The following COL5A3 variants were observed in gnomAD, a reference collection of about 807,000 sequenced individuals.
COL5A3 encodes the protein collagen type V alpha 3 chain.
COL5A3 carries 172 observed loss-of-function variants against 250.0 expected under a neutral mutation model. The ratio of observed to expected loss-of-function variants is 0.69; its 90% CI spans 0.61 to 0.78. The LOEUF (loss-of-function observed/expected upper bound fraction) is 0.78, where lower values mean the gene tolerates loss of function less well. Ranked by LOEUF, COL5A3 falls within the 30% of genes least tolerant of loss-of-function variation. The pLI is 0.00. For synonymous variants in COL5A3, 937 were observed against 900.4 expected (o/e 1.04, Z -0.73); for missense variants, 2,340 against 2,334.4 (o/e 1.00, Z -0.05).
chr19:9,987,671 G>C (rs1419329606), intron 27 of COL5A3, among the ~76,000 whole-genome samples: 2 of 152,108 alleles, frequency 1.3e-5, no homozygotes, highest in Non-Finnish European at 2.9e-5. Flanking sequence ...GATTGATTGA[G>C]CCTGGGAGCT....
intron 24 of COL5A3, 31 bp from the exon 25 acceptor site, chr19:9,989,553 A>C (rs2073498550): frequency 6.3e-7 from 1 of 1,583,126 alleles, no homozygotes; most frequent in Non-Finnish European, 8.6e-7. Flanking sequence ...GGGGAGAGAC[A>C]GAGGTGCTCA....
chr19:9,970,425 AGGTGAGTGGGG>A (rs2086823993), intron 54 of COL5A3, among the ~76,000 whole-genome samples, 186 bp downstream of exon 54: 10 of 8,398 alleles, frequency 1.2e-3, no homozygotes, highest in Non-Finnish European at 1.6e-3. Context: ...GGGGGCTGTA[AGGTGAGTGGGG>A]TCTGTGGGTG....
rs749331493 is a variant in COL5A3, at chr19:10,003,602, C to A, written c.812G>T (p.Trp271Leu). Residue 271 changes from tryptophan (W) to leucine (L), a missense_variant, in exon 6 of 67, where the codon TGG becomes TTG. Trp to Leu is a moderately conservative substitution (Grantham distance 61, BLOSUM62 -2). Around this residue, in one of 3 missense-constraint regions of COL5A3, gnomAD observed 1,152 missense variants for 1,146.3 expected, o/e 1.00. Coordinates refer to ENST00000264828, the MANE Select transcript of COL5A3 (RefSeq NM_015719.4). ...GGAGTCAGGAGGTGGACTTGAGGTC[C>A]AAATTTCCTTGTTCTTTTTCCTGCC... Reference protein sequence around the residue: ...GKGRKKNKEIWTSSPPPDSAE... With the variant: ...GKGRKKNKEILTSSPPPDSAE... 43 of 1,614,050 alleles carry A rather than the reference C, an allele frequency of 2.7e-5. 1 individual carries two copies. The Middle Eastern group carries it at 1.8e-3, about 68-fold the overall frequency.
Position 9,996,252 on chromosome 19 carries a change from T to A in COL5A3, c.1433A>T (p.Lys478Ile). The A allele has an allele frequency of 6.4e-7, 1 of 1,573,824 alleles. No individual in the cohort carries two copies. Reference sequence around the variant, plus strand: ...GAGCCCCACTGGACCAGGGGGGCCTTTCATAGAGAGCTGGAAAGACAGAGG... The same window carrying A: ...GAGCCCCACTGGACCAGGGGGGCCTATCATAGAGAGCTGGAAAGACAGAGG... The part of the protein sequence containing the change: ...AVLQQTQLSM[K>I]GPPGPVGLTG... Residue 478 changes from lysine (K) to isoleucine (I), a missense_variant, in exon 14 of 67, where the codon AAA becomes ATA. Around this residue, in one of 3 missense-constraint regions of COL5A3, gnomAD observed 1,152 missense variants for 1,146.3 expected, o/e 1.00. Coordinates refer to ENST00000264828, the MANE Select transcript of COL5A3 (RefSeq NM_015719.4).
intron 6 of COL5A3, 57 bp downstream of exon 6, chr19:10,003,508 G>C (rs2087392657): frequency 6.4e-7 from 1 of 1,564,614 alleles, no homozygotes; most frequent in African/African-American, 1.3e-5. Flanking sequence ...AAGTCAGACA[G>C]TCAAGACCGG....
rs1568408265 is a variant in COL5A3 at position 9,970,653 on chromosome 19, TC to T, written c.3904del (p.Glu1302SerfsTer91). On this transcript the variant is annotated frameshift_variant, in exon 54 of 67. Transcript: ENST00000264828. LOFTEE classifies it high-confidence loss of function. Reference sequence around the variant, plus strand: ...GCCGGGGGGCCCGGGGGCGCCGGGCTCCCCAGAAGCTCCAGGCGGACCCTGG... The same window carrying T: ...GCCGGGGGGCCCGGGGGCGCCGGGCTCCCAGAAGCTCCAGGCGGACCCTGG... ...GGPGPPGASG[E>X]PGAPGPPGKR... is the part of the protein sequence containing the mutation. 1 of 1,452,294 alleles carries T rather than the reference TC, an allele frequency of 6.9e-7. No individual in the cohort carries two copies. The highest frequency in any genetic ancestry group is 9.1e-7 in the Non-Finnish European group (1 of 1,103,488). 90.0% of individuals were successfully genotyped at this position (1,452,294 alleles called of 1,614,324 possible). A position where few individuals can be genotyped will look rare whatever the true frequency, so the allele number is the denominator to read the frequency against.
chr19:10,005,920 C>T lies in COL5A3; in HGVS notation c.313G>A (p.Val105Ile), dbSNP rs1362900877. 2.5e-6 allele frequency: 4 copies of T among 1,614,078 alleles called. No individual in the cohort carries two copies. The highest frequency in any genetic ancestry group is 3.4e-6 in the Non-Finnish European group (4 of 1,180,008). Residue 105 changes from valine (V) to isoleucine (I), a missense_variant, in exon 3 of 67, where the codon GTC (valine) becomes ATC (isoleucine). Transcript: ENST00000264828. ...CTTTCATCATAAATGGACAGCAGGACAGACTGATTGGCTGGCTGTCCCCGC... is the reference window on the plus strand; with the variant it reads ...CTTTCATCATAAATGGACAGCAGGATAGACTGATTGGCTGGCTGTCCCCGC... ...TLRGQPANQS[V>I]LLSIYDERGA... is the part of the protein sequence containing the mutation.
chr19:9,980,105 A>G, intron 35 of COL5A3, 58 bp from the exon 36 acceptor site: 1 of 1,482,244 alleles, frequency 6.7e-7, no homozygotes, highest in African/African-American at 1.4e-5. Flanking sequence ...CCACTCCCTG[A>G]GCCCCACATA....
intron 4 of COL5A3, 141 bp from the exon 5 acceptor site, chr19:10,004,286 G>C (rs2087408338): frequency 1.6e-6 from 1 of 641,464 alleles, no homozygotes; most frequent in South Asian, 1.8e-5. Flanking sequence ...TAAGTATAAG[G>C]AAGAGATGAC....
chr19:10,010,401 G>A lies in COL5A3; in HGVS notation c.-16C>T, dbSNP rs927753138. The A allele has an allele frequency of 2.8e-6, 4 of 1,403,930 alleles. No individual in the cohort carries two copies. The highest frequency in any genetic ancestry group is 3.7e-6 in the Non-Finnish European group (4 of 1,073,038). The allele number at this position is 1,403,930 out of a possible 1,614,324, so 87.0% of individuals were successfully genotyped here. ...GGTTCCCCATCCCGGCGGGGCCCAC[G>A]GGCAAGGCGGGGAACCAGTCGGGGC... On this transcript the variant is annotated 5_prime_UTR_variant, in exon 1 of 67. Transcript: ENST00000264828.
chr19:9,964,304 T>C (rs1568401898), intron 64 of COL5A3, among the ~76,000 whole-genome samples: 1 of 151,802 alleles, frequency 6.6e-6, no homozygotes, highest in Non-Finnish European at 1.5e-5. Context: ...ACCCTGTCTA[T>C]AAAAATTAGA....
chr19:9,999,225 C>T (rs2087319145), intron 8 of COL5A3, among the ~76,000 whole-genome samples: 1 of 144,620 alleles, frequency 6.9e-6, no homozygotes, highest in Non-Finnish European at 1.5e-5. Flanking sequence ...CAGGGTCACT[C>T]TATTGCCCAG....
intron 8 of COL5A3, among the ~76,000 whole-genome samples, 175 bp from the exon 9 acceptor site, chr19:9,998,324 G>T (rs944697416): frequency 6.6e-6 from 1 of 151,958 alleles, no homozygotes; most frequent in Admixed American, 6.6e-5. Flanking sequence ...TCAGCCCCCC[G>T]CATCCACCGG....
In COL5A3 at chr19:9,998,101, C is replaced by A; in HGVS notation, c.1158+1G>T. The A allele has an allele frequency of 6.2e-7, 1 of 1,614,040 alleles. No individual in the cohort carries two copies. Among genetic ancestry groups the A allele is most frequent in the Non-Finnish European group, 8.5e-7 (1 of 1,180,006 alleles). Reference sequence around the variant, plus strand: ...ACCCCCTCACAATCCAGACCCCTCACCTTTTCAATCACTGCGGGCTCTCCT... The same window carrying A: ...ACCCCCTCACAATCCAGACCCCTCAACTTTTCAATCACTGCGGGCTCTCCT... On this transcript the variant is annotated splice_donor_variant, in intron 9 of 66. Transcript: ENST00000264828. LOFTEE classifies it high-confidence loss of function.
intron 38 of COL5A3, 28 bp from the exon 39 acceptor site, chr19:9,979,267 T>C (rs1335764134): frequency 1.9e-6 from 3 of 1,602,674 alleles, no homozygotes; most frequent in East Asian, 4.5e-5. Flanking sequence ...TCCTGTTGAG[T>C]GGGGGTGGCC....
rs1325196888 is a variant in COL5A3 at position 9,968,427 on chromosome 19, C to T, written c.4272G>A (p.Gly1424=). 2.5e-6 allele frequency: 4 copies of T among 1,591,302 alleles called. No individual in the cohort carries two copies. Among genetic ancestry groups the T allele is most frequent in the Non-Finnish European group, 2.6e-6 (3 of 1,174,354 alleles). ...CAGGGGGTCCCTGCACGCCTGGCAA[C>T]CCCTGATCTCCTTTCTCACCAGCTT... ...PGEAGEKGDQ[G]LPGVQGPPGP... is the part of the protein sequence containing the mutation. The change falls in exon 59 of 67, where the codon GGG becomes GGA. Residue 1424 remains glycine (G), a synonymous_variant. Transcript: ENST00000264828. This position sits in a 1 kb window ranked among gnomAD's most constrained non-coding sequence, Gnocchi z 4.1.
chr19:9,972,465 CCATT>C (rs2086865293), intron 51 of COL5A3, among the ~76,000 whole-genome samples: 1 of 152,174 alleles, frequency 6.6e-6, no homozygotes, highest in South Asian at 2.1e-4. Flanking sequence ...ATCCATCCAC[CCATT>C]CATTCATTCA....
Position 9,978,950 on chromosome 19 carries a change from TC to T in COL5A3, c.2904del (p.Glu970LysfsTer24). On this transcript the variant is annotated frameshift_variant, in exon 40 of 67. Coordinates refer to ENST00000264828, the MANE Select transcript of COL5A3 (RefSeq NM_015719.4). LOFTEE classifies it high-confidence loss of function. Reference protein sequence around the residue: ...KGELGPPGPLGKEGPAGLRGF... With the variant: ...KGELGPPGPLXKEGPAGLRGF... ...CCCCTGAGTCCAGCTGGCCCTTCTT[TC>T]CCAAGGGGTCCTGGTGGTCCCAGTT... 6.5e-7 allele frequency: 1 copy of T among 1,531,592 alleles called. No individual in the cohort carries two copies. 94.9% of individuals were successfully genotyped at this position (1,531,592 alleles called of 1,614,324 possible).
In COL5A3 at chr19:9,969,730, C is replaced by T. The variant is rs768223543; in HGVS notation, c.3991-48G>A. 52 of 1,576,686 alleles carry T rather than the reference C, an allele frequency of 3.3e-5. No homozygotes were observed. In the East Asian group the frequency reaches 1.0e-3, roughly 31 times the overall value. On this transcript the variant is annotated intron_variant, in intron 55 of 66. Coordinates refer to ENST00000264828, the MANE Select transcript of COL5A3 (RefSeq NM_015719.4). ...AGGGGCCAGAGTCAGAGGGTTCCTGCCTCCTGACCCCTGCCAAGAAGCATC... is the reference window on the plus strand; with the variant it reads ...AGGGGCCAGAGTCAGAGGGTTCCTGTCTCCTGACCCCTGCCAAGAAGCATC...
Sources: allele counts gnomAD v4.1 joint callset (sites outside exome capture counted in the v4.1 genomes callset), GRCh38; gene constraint gnomAD v4.1.1; regional missense constraint gnomAD v4.1.1; non-coding constraint Gnocchi (gnomAD v3.1); transcripts MANE v1.5; gene names NCBI Gene and HGNC (gene_info 2026-07-23, HGNC 2026-07-21).